The following ABLIM2 variants were observed in gnomAD, a reference collection of about 807,000 sequenced individuals.
ABLIM2 encodes actin binding LIM protein family member 2.
A neutral mutation model predicts 97.7 loss-of-function variants in ABLIM2; 53 were observed. The observed-to-expected ratio is 0.54, with a 90% CI of 0.44 to 0.68. The LOEUF is 0.68. ABLIM2 is among the 30% of genes least tolerant of loss of function. The probability of loss-of-function intolerance (pLI) is 0.00; values close to 1 mark genes in which losing one functional copy is unlikely to be tolerated. For synonymous variants in ABLIM2, 361 were observed against 345.8 expected, an observed-to-expected ratio of 1.04 and a Z score of -0.49; for missense variants, 835 against 867.2, an observed-to-expected ratio of 0.96 and a Z score of 0.47.
chr4:8,014,643 T>A (rs2150659521), intron 14 of ABLIM2, among the ~76,000 whole-genome samples: 1 of 152,302 alleles, frequency 6.6e-6, no homozygotes, highest in African/African-American at 2.4e-5. Flanking sequence ...CACCCATGTA[T>A]CCCCAGCACT....
rs1195720632 is a variant in ABLIM2, at chr4:8,130,955, T to C, written c.11-24318A>G. The stretch of plus-strand genomic sequence containing the variant: ...CTCCCCCAAAGGCTCTAGGGGAGGC[T>C]GCCGTTACCTCGCCCTGCTCTTGGG... On this transcript the variant is annotated intron_variant, in intron 1 of 20. Coordinates refer to ENST00000447017, the MANE Select transcript of ABLIM2 (RefSeq NM_001130083.2). The surrounding 1 kb of genome is among the most constrained non-coding windows in gnomAD (Gnocchi z 4.2). Among the ~76,000 whole-genome samples the C allele has an allele frequency of 6.6e-6, 1 of 152,136 alleles. No individual in the cohort carries two copies. The highest frequency in any genetic ancestry group is 1.5e-5 in the Non-Finnish European group (1 of 68,024).
In ABLIM2 at chr4:8,072,635, G is replaced by T. The variant is rs7660009; in HGVS notation, c.675+4993C>A. Among the ~76,000 whole-genome samples, 19,788 of 152,282 alleles carry T rather than the reference G, an allele frequency of 0.13. 1,551 individuals are homozygous for T. The highest frequency in any genetic ancestry group is 0.21 in the Middle Eastern group (63 of 294). Reference sequence around the variant, plus strand: ...GAAGACAAAGGGTTGGGGGAAACCTGCGCACCCCGGGCTCCAGTCTGGCTC... The same window carrying T: ...GAAGACAAAGGGTTGGGGGAAACCTTCGCACCCCGGGCTCCAGTCTGGCTC... On this transcript the variant is annotated intron_variant, in intron 6 of 20. Coordinates refer to ENST00000447017, the MANE Select transcript of ABLIM2 (RefSeq NM_001130083.2). This position sits in a 1 kb window ranked among gnomAD's most constrained non-coding sequence, Gnocchi z 5.8.
Position 8,007,981 on chromosome 4 carries a change from T to C in ABLIM2, c.1618+78A>G. 3.8e-6 allele frequency: 6 copies of C among 1,580,454 alleles called. No individual in the cohort carries two copies. In the Admixed American group the frequency reaches 5.2e-5, roughly 14 times the overall value. Reference sequence around the variant, plus strand: ...CAGGCAAGGCTTAGATGTAGGGGGATAGCTCTGAGTTCTGGGGCCTCTTTG... The same window carrying C: ...CAGGCAAGGCTTAGATGTAGGGGGACAGCTCTGAGTTCTGGGGCCTCTTTG... On this transcript the variant is annotated intron_variant, in intron 16 of 20. Coordinates refer to ENST00000447017, the MANE Select transcript of ABLIM2 (RefSeq NM_001130083.2).
At chr4:7,967,161 T>C (rs16841504) in intron 20 of ABLIM2, 58 bp from the exon 21 acceptor site, 157,724 of 1,438,888 alleles carry the variant, frequency 0.11, 11,033 homozygotes, top group East Asian at 0.32. Flanking sequence ...AGGGACACCA[T>C]TGGGCAGTTT....
At chr4:8,081,523 C>T (rs1819793060) in intron 4 of ABLIM2, among the ~76,000 whole-genome samples, 1 of 152,216 alleles carries the variant, frequency 6.6e-6, no homozygotes, top group Admixed American at 6.5e-5. Context: ...GGCATGCTCC[C>T]CTGGCAGAGC....
In ABLIM2 at chr4:8,046,041, C is replaced by T. The variant is rs1451183875; in HGVS notation, c.823-800G>A. Among the ~76,000 whole-genome samples the T allele has an allele frequency of 1.3e-5, 2 of 152,180 alleles. No homozygotes were observed. Among genetic ancestry groups the T allele is most frequent in the African/African-American group, 2.4e-5 (1 of 41,442 alleles). On this transcript the variant is annotated intron_variant, in intron 8 of 20. Transcript: ENST00000447017. This position sits in a 1 kb window ranked among gnomAD's most constrained non-coding sequence, Gnocchi z 4.4. ...CACCTGACACACAACTTAGAAATGGCCCTTCGGAGCCCCCTGGCAGCCACT... is the reference window on the plus strand; with the variant it reads ...CACCTGACACACAACTTAGAAATGGTCCTTCGGAGCCCCCTGGCAGCCACT...
At chr4:8,144,336 C>T (rs1207923330) in intron 1 of ABLIM2, among the ~76,000 whole-genome samples, 1 of 152,222 alleles carries the variant, frequency 6.6e-6, no homozygotes, top group Non-Finnish European at 1.5e-5. Flanking sequence ...TTCTAAGTCC[C>T]TTCCAGAATC....
Position 8,011,388 on chromosome 4 carries a change from G to A in ABLIM2, c.1424-2286C>T, listed in dbSNP as rs372181749. ...TTGCTAGCCCACAGAACAGATGACCGAGTCTCTTGAGAACTAGGAGCTTGG... is the reference window on the plus strand; with the variant it reads ...TTGCTAGCCCACAGAACAGATGACCAAGTCTCTTGAGAACTAGGAGCTTGG... On this transcript the variant is annotated intron_variant, in intron 14 of 20. Transcript: ENST00000447017. Among the ~76,000 whole-genome samples, 7 of 152,204 alleles carry A rather than the reference G, an allele frequency of 4.6e-5. No individual in the cohort carries two copies. The East Asian group carries it at 5.8e-4, about 13-fold the overall frequency.
rs1845837524 is a variant in ABLIM2 at position 8,122,290 on chromosome 4, C to T, written c.11-15653G>A. On this transcript the variant is annotated intron_variant, in intron 1 of 20. Transcript: ENST00000447017. The surrounding 1 kb of genome is among the most constrained non-coding windows in gnomAD (Gnocchi z 4.1). ...GCCACAGAGAGCTGGAGAGGTCCCC[C>T]ACTTTGTCCTCGGCTCCCATCCTCC... Among the ~76,000 whole-genome samples, 1 of 152,198 alleles carries T rather than the reference C, an allele frequency of 6.6e-6. No homozygotes were observed.
intron 1 of ABLIM2, among the ~76,000 whole-genome samples, chr4:8,111,700 G>A (rs1030617361): frequency 6.6e-6 from 1 of 152,146 alleles, no homozygotes; most frequent in Non-Finnish European, 1.5e-5. Flanking sequence ...GCTGAGGTGG[G>A]TGGGTTACTG....
chr4:8,122,471 C>A lies in ABLIM2; in HGVS notation c.11-15834G>T, dbSNP rs1160360917. Among the ~76,000 whole-genome samples, 1 of 152,190 alleles carries A rather than the reference C, an allele frequency of 6.6e-6. No individual in the cohort carries two copies. The highest frequency in any genetic ancestry group is 1.5e-5 in the Non-Finnish European group (1 of 68,028). Reference sequence around the variant, plus strand: ...ATGCTCGGTCCCTGGTGAGGGCTCCCTTCCTGGCTTGCAGACAGCCGCCTT... The same window carrying A: ...ATGCTCGGTCCCTGGTGAGGGCTCCATTCCTGGCTTGCAGACAGCCGCCTT... On this transcript the variant is annotated intron_variant, in intron 1 of 20. Transcript: ENST00000447017. This position sits in a 1 kb window ranked among gnomAD's most constrained non-coding sequence, Gnocchi z 4.1.
At chr4:7,985,004 G>T in intron 17 of ABLIM2, 111 bp from the exon 18 acceptor site, 1 of 1,124,970 alleles carries the variant, frequency 8.9e-7, no homozygotes, top group Non-Finnish European at 1.3e-6. Context: ...CGTGCTGCCT[G>T]GGGAGTAGGG....
At chr4:8,081,305 G>A (rs981573657) in intron 4 of ABLIM2, among the ~76,000 whole-genome samples, 45 of 152,252 alleles carry the variant, frequency 3.0e-4, no homozygotes, top group African/African-American at 8.9e-4. Context: ...TCTCCACCCC[G>A]TGGCCACCAG....
At chr4:8,060,926 T>G (rs1802587083) in intron 7 of ABLIM2, 41 bp downstream of exon 7, 1 of 1,512,586 alleles carries the variant, frequency 6.6e-7, no homozygotes, top group Admixed American at 2.0e-5. Flanking sequence ...AGAGGGTAGT[T>G]CCTTGCTCTA....
At chr4:8,034,532 A>T (rs1478308313) in intron 10 of ABLIM2, among the ~76,000 whole-genome samples, 1 of 6,434 alleles carries the variant, frequency 1.6e-4, no homozygotes, top group Non-Finnish European at 2.6e-4. Flanking sequence ...GGTGGGTGGT[A>T]GGTAGGTGGG....
chr4:8,081,553 G>C (rs1487013915), intron 4 of ABLIM2, among the ~76,000 whole-genome samples: 4 of 152,246 alleles, frequency 2.6e-5, no homozygotes, highest in Non-Finnish European at 1.5e-5. Flanking sequence ...AGGCTGGGGA[G>C]CTGGGGAGAG....
rs1844944260 is a variant in ABLIM2, at chr4:8,120,550, G to A, written c.11-13913C>T. 1.3e-5 allele frequency among the ~76,000 whole-genome samples: 2 copies of A among 152,162 alleles called. No homozygotes were observed. The highest frequency in any genetic ancestry group is 1.5e-5 in the Non-Finnish European group (1 of 68,024). Reference sequence around the variant, plus strand: ...GGGGCCCTGGGACGGGTCCTTCCTTGCAGCCTCAGAAGGAGCCAGCCCTGC... The same window carrying A: ...GGGGCCCTGGGACGGGTCCTTCCTTACAGCCTCAGAAGGAGCCAGCCCTGC... On this transcript the variant is annotated intron_variant, in intron 1 of 20. Transcript: ENST00000447017. The surrounding 1 kb of genome is among the most constrained non-coding windows in gnomAD (Gnocchi z 5.6).
intron 20 of ABLIM2, among the ~76,000 whole-genome samples, chr4:7,980,941 A>ATTCTTTTTTTTTTTTTTTTTTTT (rs1737679639): frequency 2.4e-5 from 2 of 82,988 alleles, no homozygotes; most frequent in Non-Finnish European, 4.2e-5. Context: ...ACAACCCCTT[A>ATTCTTTTTTTTTTTTTTTTTTTT]TTTTTTTTTT....
chr4:7,981,164 C>T (rs189857679), intron 20 of ABLIM2, among the ~76,000 whole-genome samples: 3 of 151,958 alleles, frequency 2.0e-5, no homozygotes, highest in African/African-American at 7.2e-5. Flanking sequence ...AGGATGGTCT[C>T]GGTCTCCTGA....
Sources: gnomAD v4.1 joint callset for allele counts (sites outside exome capture counted in the v4.1 genomes callset) on GRCh38, gnomAD v4.1.1 for gene constraint, Gnocchi (gnomAD v3.1) non-coding constraint, MANE v1.5 for transcripts, NCBI Gene and HGNC (gene_info 2026-07-23, HGNC 2026-07-21) for gene names.